The following UBIAD1 variants were observed in gnomAD, a reference collection of about 807,000 sequenced individuals.
The protein encoded by UBIAD1 is UbiA prenyltransferase domain containing 1.
UBIAD1 carries 12 observed loss-of-function variants against 20.1 expected under a neutral mutation model. The observed-to-expected ratio is 0.60, with a 90% CI of 0.38 to 0.97. The LOEUF (loss-of-function observed/expected upper bound fraction) is 0.97. Ranked by LOEUF, UBIAD1 falls within the 50% of genes least tolerant of loss-of-function variation. The pLI is 0.00. For missense variants in UBIAD1, 333 were observed against 419.5 expected, an observed-to-expected ratio of 0.79 and a Z score of 1.80; for synonymous variants, 207 against 189.2, an observed-to-expected ratio of 1.09 and a Z score of -0.77.
At chr1:11,293,481 A>G (rs1001841999) in intron 1 of UBIAD1, 1 of 152,240 alleles carries the variant, frequency 6.6e-6, no homozygotes, top group African/African-American at 2.4e-5. Context: ...TCTCAGCACT[A>G]GCACAGTGCA....
intron 1 of UBIAD1, among the ~76,000 whole-genome samples, chr1:11,277,407 G>A (rs989075219): frequency 2.0e-5 from 3 of 150,526 alleles, no homozygotes; most frequent in Non-Finnish European, 4.4e-5. Flanking sequence ...TATAATCCCA[G>A]TAGCTGGGAT....
In UBIAD1 at chr1:11,278,751, C is replaced by T. The variant is rs1652144529; in HGVS notation, c.529+4691C>T. On this transcript the variant is annotated intron_variant, in intron 1 of 1. Transcript: ENST00000376810. ...TTTGCTAACACTGGTGTGCTGCGGT[C>T]ATCCACCATCCCACTGGAGTTATTT... 1.3e-5 allele frequency: 8 copies of T among 603,424 alleles called. No individual in the cohort carries two copies. In the South Asian group the frequency reaches 2.2e-4, roughly 17 times the overall value. 37.4% of individuals were successfully genotyped at this position (603,424 alleles called of 1,614,324 possible). A position where few individuals can be genotyped will look rare whatever the true frequency, so the allele number is the denominator to read the frequency against.
At position 11,276,776 on chromosome 1, in the gene UBIAD1, C is replaced by A. The variant is rs550644394; in HGVS notation, c.529+2716C>A. On this transcript the variant is annotated intron_variant, in intron 1 of 1. Transcript: ENST00000376810. ...TGCATAGTTTGTTAAAAAAAAAAAA[C>A]TGTAAGCAAATATTTACCATGTCTG... 2.7e-4 allele frequency among the ~76,000 whole-genome samples: 40 copies of A among 148,648 alleles called. No individual in the cohort carries two copies. The South Asian group carries it at 6.5e-3, about 24-fold the overall frequency.
Position 11,273,302 on chromosome 1 carries a change from C to G in UBIAD1, c.-230C>G. 1.7e-6 allele frequency: 1 copy of G among 584,782 alleles called. No individual in the cohort carries two copies. Among genetic ancestry groups the G allele is most frequent in the Non-Finnish European group, 3.0e-6 (1 of 328,256 alleles). The allele number at this position is 584,782 out of a possible 1,614,324, so 36.2% of individuals were successfully genotyped here. A position where few individuals can be genotyped will look rare whatever the true frequency, so the allele number is the denominator to read the frequency against. ...TGGGCTCTAACGCGGGGCTGGGGGC[C>G]GGAGACAGACTTCGCCCAGGTGACG... On this transcript the variant is annotated 5_prime_UTR_variant, in exon 1 of 2. Transcript: ENST00000376810. This position sits in a 1 kb window ranked among gnomAD's most constrained non-coding sequence, Gnocchi z 4.9.
At chr1:11,288,923 C>A (rs573763291), downstream of UBIAD1, among the ~76,000 whole-genome samples, 86 of 150,314 alleles carry the variant, frequency 5.7e-4, no homozygotes, top group Middle Eastern at 3.4e-3. Context: ...AAAAAAAAAA[C>A]AAAACAAAAA....
chr1:11,299,067 C>T (rs1359546395), downstream of UBIAD1, among the ~76,000 whole-genome samples: 1 of 152,264 alleles, frequency 6.6e-6, no homozygotes, highest in Admixed American at 6.5e-5. Context: ...ACAGTGGCTG[C>T]AGCCAATCTC....
At chr1:11,277,128 T>C (rs1652062861) in intron 1 of UBIAD1, among the ~76,000 whole-genome samples, 2 of 151,938 alleles carry the variant, frequency 1.3e-5, no homozygotes, top group African/African-American at 4.8e-5. Context: ...TCCCAGCTAC[T>C]TGGGAGGCTG....
intron 1 of UBIAD1, among the ~76,000 whole-genome samples, chr1:11,275,105 A>G (rs1450156784): frequency 6.6e-6 from 1 of 152,188 alleles, no homozygotes; most frequent in Admixed American, 6.5e-5. Context: ...TTTATTGAGC[A>G]CCTATTATGT....
rs1020318921 is a variant in UBIAD1, at chr1:11,286,652, CAGAG to C, written c.*526_*529del. ...GTGTCCTGAGATACGCTGCCTGAGACAGAGAGAGTCCCTCATTAACAGCCTGTGT... is the reference window on the plus strand; with the variant it reads ...GTGTCCTGAGATACGCTGCCTGAGACAGAGTCCCTCATTAACAGCCTGTGT... On this transcript the variant is annotated 3_prime_UTR_variant, in exon 2 of 2. Transcript: ENST00000376810. 5.7e-6 allele frequency: 1 copy of C among 175,984 alleles called. No individual in the cohort carries two copies. The highest frequency in any genetic ancestry group is 2.4e-5 in the African/African-American group (1 of 41,702). 10.9% of individuals were successfully genotyped at this position (175,984 alleles called of 1,614,324 possible).
chr1:11,273,452 C>G lies in UBIAD1; in HGVS notation c.-80C>G. ...CGAAGGAAGGTCGGGCCCTGCTGCC[C>G]CGCCCCGTCCTTCCTCCTTCCCGGG... On this transcript the variant is annotated 5_prime_UTR_variant, in exon 1 of 2. Transcript: ENST00000376810. This position sits in a 1 kb window ranked among gnomAD's most constrained non-coding sequence, Gnocchi z 4.9. 6.3e-7 allele frequency: 1 copy of G among 1,576,462 alleles called. No homozygotes were observed. The highest frequency in any genetic ancestry group is 1.1e-5 in the South Asian group (1 of 89,724).
intron 1 of UBIAD1, among the ~76,000 whole-genome samples, chr1:11,294,437 C>T (rs1180224006): frequency 6.6e-6 from 1 of 152,226 alleles, no homozygotes; most frequent in African/African-American, 2.4e-5. Flanking sequence ...TGAGCCACCA[C>T]ACCCAGCCTT....
chr1:11,291,434 C>G (rs1292373454), downstream of UBIAD1, among the ~76,000 whole-genome samples: 1 of 142,022 alleles, frequency 7.0e-6, no homozygotes, highest in Non-Finnish European at 1.6e-5. Flanking sequence ...ATGGCAAAAC[C>G]CTGTCTCTAC....
chr1:11,286,235 T>C lies in UBIAD1; in HGVS notation c.*104T>C, dbSNP rs1265611702. On this transcript the variant is annotated 3_prime_UTR_variant, in exon 2 of 2. Transcript: ENST00000376810. ...GATTTGGCAGTCAGGGTACTAAGCA[T>C]GGGTGGGAACTCCTGCCTTATAAAA... is the stretch of plus-strand genomic sequence containing the variant. The C allele has an allele frequency of 3.4e-6, 5 of 1,463,856 alleles. No homozygotes were observed. In the East Asian group the frequency reaches 9.2e-5, roughly 27 times the overall value. 90.7% of individuals were successfully genotyped at this position (1,463,856 alleles called of 1,614,324 possible).
chr1:11,291,394 G>C (rs1267369580), downstream of UBIAD1, among the ~76,000 whole-genome samples: 3 of 152,110 alleles, frequency 2.0e-5, no homozygotes, highest in African/African-American at 7.2e-5. Flanking sequence ...GATCACTTGA[G>C]TTCAGGAGTT....
intron 1 of UBIAD1, among the ~76,000 whole-genome samples, chr1:11,274,608 T>A (rs537662233): frequency 2.8e-4 from 42 of 151,524 alleles, no homozygotes; most frequent in African/African-American, 8.7e-4. Flanking sequence ...GGACATTTTT[T>A]AATTTTTTTT....
At position 11,285,830 on chromosome 1, in the gene UBIAD1, CCGACCG is replaced by C; in HGVS notation, c.717_722del (p.Asp240_Arg241del). ...TCCAACAACACCAGGGACATGGAGT[CCGACCG>C]GGAGGCTGGTATCGTCACGCTGGCC... On this transcript the variant is annotated inframe_deletion, in exon 2 of 2. Transcript: ENST00000376810. This position sits in a 1 kb window ranked among gnomAD's most constrained non-coding sequence, Gnocchi z 4.4. The C allele has an allele frequency of 6.2e-7, 1 of 1,614,212 alleles. No homozygotes were observed. Among genetic ancestry groups the C allele is most frequent in the Non-Finnish European group, 8.5e-7 (1 of 1,180,042 alleles).
At position 11,273,407 on chromosome 1, in the gene UBIAD1, G is replaced by T; in HGVS notation, c.-125G>T. On this transcript the variant is annotated 5_prime_UTR_variant, in exon 1 of 2. Transcript: ENST00000376810. The surrounding 1 kb of genome is among the most constrained non-coding windows in gnomAD (Gnocchi z 4.9). ...GCCCCCGGACCTTGCCGCCACACCA[G>T]CCCTGTCCTGGGGCGGAACCGAAGG... The T allele has an allele frequency of 7.9e-7, 1 of 1,262,258 alleles. No homozygotes were observed. The highest frequency in any genetic ancestry group is 1.9e-5 in the Admixed American group (1 of 52,032). 78.2% of individuals were successfully genotyped at this position (1,262,258 alleles called of 1,614,324 possible). A position where few individuals can be genotyped will look rare whatever the true frequency, so the allele number is the denominator to read the frequency against.
At chr1:11,296,900 C>T (rs1638457094), downstream of UBIAD1, among the ~76,000 whole-genome samples, 1 of 152,166 alleles carries the variant, frequency 6.6e-6, no homozygotes, top group South Asian at 2.1e-4. Context: ...GCAGAGGGCC[C>T]ATGGCTGAGG....
At chr1:11,295,562 C>T (rs1638434041), downstream of UBIAD1, 1 of 152,420 alleles carries the variant, frequency 6.6e-6, no homozygotes, top group Non-Finnish European at 1.5e-5. Context: ...AGATGAATGG[C>T]CTGGAGAGAC....
Sources: allele counts gnomAD v4.1 joint callset (sites outside exome capture counted in the v4.1 genomes callset), GRCh38; gene constraint gnomAD v4.1.1; non-coding constraint Gnocchi (gnomAD v3.1); transcripts MANE v1.5; gene names NCBI Gene and HGNC (gene_info 2026-07-23, HGNC 2026-07-21).